Variants in LDLRAD2 observed in about 807,000 individuals in gnomAD.
LDLRAD2 encodes low density lipoprotein receptor class A domain containing 2.
Under a neutral mutation model 24.9 loss-of-function variants are expected in LDLRAD2, and 25 were observed. The observed-to-expected ratio is 1.00, with a 90% CI of 0.73 to 1.40. The LOEUF is 1.40. LDLRAD2 is among the 40% of genes most tolerant of loss of function. LDLRAD2 has a pLI of 0.00. For synonymous variants in LDLRAD2, 182 were observed against 166.7 expected (o/e 1.09, Z -0.71); for missense variants, 391 against 366.2 (o/e 1.07, Z -0.55).
At position 21,823,124 on chromosome 1, in the gene LDLRAD2, C is replaced by T; in HGVS notation, c.*909C>T. 1.9e-6 allele frequency: 1 copy of T among 536,806 alleles called. No homozygotes were observed. The allele number at this position is 536,806 out of a possible 1,614,324, so 33.3% of individuals were successfully genotyped here. A position where few individuals can be genotyped will look rare whatever the true frequency, so the allele number is the denominator to read the frequency against. On this transcript the variant is annotated 3_prime_UTR_variant, in exon 5 of 5. Transcript: ENST00000344642. ...ACTCCCATCCAACCTGCCTTGCTGG[C>T]CAGCCTTGTGGCTTTGCCCAGCTGT... is the stretch of plus-strand genomic sequence containing the variant.
In LDLRAD2 at chr1:21,821,548, A is replaced by G; in HGVS notation, c.742A>G (p.Ile248Val). The change falls in exon 4 of 5, where the codon ATT becomes GTT. Residue 248 changes from isoleucine to valine, a missense_variant. Transcript: ENST00000344642. ...PALGSAGSLW[I>V]AAERSSPAGR... ...TCTCGGGTCTGCAGGATCCCTCTGG[A>G]TTGCAGCTGAGAGGAGTTCCCCAGC... 9 of 1,614,040 alleles carry G rather than the reference A, an allele frequency of 5.6e-6. No individual in the cohort carries two copies. The highest frequency in any genetic ancestry group is 1.1e-5 in the South Asian group (1 of 91,072).
rs1024032389 is a variant in LDLRAD2, at chr1:21,814,670, C to T, written c.358C>T (p.Pro120Ser). The change falls in exon 2 of 5, where the codon CCG becomes TCG. Residue 120 changes from proline to serine, a missense_variant. Physicochemically the swap from Pro to Ser is moderately conservative, Grantham distance 74. Coordinates refer to ENST00000344642, the MANE Select transcript of LDLRAD2 (RefSeq NM_001013693.3). ...CTACCTGCAGTTCTACGAGGGCCCG[C>T]CGGGGGCGCCCCGGCCCCTGGGGTC... ...GSYLQFYEGPPGAPRPLGSPL... is the reference protein window; with the variant it reads ...GSYLQFYEGPSGAPRPLGSPL... 4 of 1,582,514 alleles carry T rather than the reference C, an allele frequency of 2.5e-6. No homozygotes were observed. Among genetic ancestry groups the T allele is most frequent in the Non-Finnish European group, 3.4e-6 (4 of 1,165,460 alleles).
rs2097964494 is a variant in LDLRAD2, at chr1:21,824,724, A to G, written c.*2509A>G. 6.2e-7 allele frequency: 1 copy of G among 1,613,760 alleles called. No homozygotes were observed. The highest frequency in any genetic ancestry group is 8.5e-7 in the Non-Finnish European group (1 of 1,179,876). On this transcript the variant is annotated 3_prime_UTR_variant, in exon 5 of 5. Transcript: ENST00000344642. The surrounding 1 kb of genome is among the most constrained non-coding windows in gnomAD (Gnocchi z 5.9). ...CTCACCTCCTGGAGAAGACATGGCC[A>G]GGGAAGGCGAGGAAGCCATCATCGT...
Position 21,824,620 on chromosome 1 carries a change from G to A in LDLRAD2, c.*2405G>A, listed in dbSNP as rs752342864. The A allele has an allele frequency of 1.2e-5, 19 of 1,613,910 alleles. No individual in the cohort carries two copies. The highest frequency in any genetic ancestry group is 7.7e-5 in the South Asian group (7 of 91,082). ...GTCTCGGGCACCTCGGGCAGGCTGCGGAGGAAGAGCGGGTGAGGGGACAGA... is the reference window on the plus strand; with the variant it reads ...GTCTCGGGCACCTCGGGCAGGCTGCAGAGGAAGAGCGGGTGAGGGGACAGA... On this transcript the variant is annotated 3_prime_UTR_variant, in exon 5 of 5. Transcript: ENST00000344642. This position sits in a 1 kb window ranked among gnomAD's most constrained non-coding sequence, Gnocchi z 5.9.
rs2097956195 is a variant in LDLRAD2 at position 21,823,120 on chromosome 1, CTGGCCAGCCTTGT to C, written c.*906_*918del. On this transcript the variant is annotated 3_prime_UTR_variant, in exon 5 of 5. Coordinates refer to ENST00000344642, the MANE Select transcript of LDLRAD2 (RefSeq NM_001013693.3). ...GCCCACTCCCATCCAACCTGCCTTG[CTGGCCAGCCTTGT>C]GGCTTTGCCCAGCTGTGTGTGTGAG... 1.7e-5 allele frequency: 9 copies of C among 522,564 alleles called. No individual in the cohort carries two copies. In the South Asian group the frequency reaches 3.5e-4, roughly 20 times the overall value. 32.4% of individuals were successfully genotyped at this position (522,564 alleles called of 1,614,324 possible). A position where few individuals can be genotyped will look rare whatever the true frequency, so the allele number is the denominator to read the frequency against.
chr1:21,823,494 G>C lies in LDLRAD2; in HGVS notation c.*1279G>C. ...GGCCACGTCAGGGGCTCCGCCTGCC[G>C]GGAGGTGAGAGGACAGGGCCTGTGG... On this transcript the variant is annotated 3_prime_UTR_variant, in exon 5 of 5. Transcript: ENST00000344642. 6.2e-7 allele frequency: 1 copy of C among 1,604,804 alleles called. No individual in the cohort carries two copies. Among genetic ancestry groups the C allele is most frequent in the Non-Finnish European group, 8.5e-7 (1 of 1,178,754 alleles).
At chr1:21,815,161 G>A (rs2097942605) in intron 2 of LDLRAD2, among the ~76,000 whole-genome samples, 1 of 151,968 alleles carries the variant, frequency 6.6e-6, no homozygotes, top group African/African-American at 2.4e-5. Flanking sequence ...ACTCCCACAC[G>A]TTCACACCTC....
chr1:21,821,978 AC>A, intron 4 of LDLRAD2: 1 of 1,425,956 alleles, frequency 7.0e-7, no homozygotes, highest in African/African-American at 1.4e-5. Context: ...GGCTTCGGGC[AC>A]ATGGGAATGA....
chr1:21,821,946 T>C (rs1035910459), intron 4 of LDLRAD2: 1 of 1,421,152 alleles, frequency 7.0e-7, no homozygotes. Flanking sequence ...CCTTATAGGA[T>C]CAGGGAGGCC....
chr1:21,823,290 G>A lies in LDLRAD2; in HGVS notation c.*1075G>A. On this transcript the variant is annotated 3_prime_UTR_variant, in exon 5 of 5. Coordinates refer to ENST00000344642, the MANE Select transcript of LDLRAD2 (RefSeq NM_001013693.3). ...CATTGTCGGGCTGGGGCGTGGCCCGGGAGTCCGTGTGGGGCAGGCAGGTGC... is the reference window on the plus strand; with the variant it reads ...CATTGTCGGGCTGGGGCGTGGCCCGAGAGTCCGTGTGGGGCAGGCAGGTGC... The A allele has an allele frequency of 1.3e-6, 2 of 1,493,212 alleles. No individual in the cohort carries two copies. The highest frequency in any genetic ancestry group is 1.8e-6 in the Non-Finnish European group (2 of 1,122,268). The allele number at this position is 1,493,212 out of a possible 1,614,324, so 92.5% of individuals were successfully genotyped here. A position where few individuals can be genotyped will look rare whatever the true frequency, so the allele number is the denominator to read the frequency against.
Position 21,815,014 on chromosome 1 carries a change from C to A in LDLRAD2, c.511+191C>A, listed in dbSNP as rs984058365. 7.9e-5 allele frequency among the ~76,000 whole-genome samples: 12 copies of A among 152,122 alleles called. 1 individual carries two copies. Among genetic ancestry groups the A allele is most frequent in the Admixed American group, 5.9e-4 (9 of 15,272 alleles). On this transcript the variant is annotated intron_variant, in intron 2 of 4. Transcript: ENST00000344642. ...CTAGTGGCAGAGTCACAATAAGGGA[C>A]CTCCCGGATCCTAAGAGCCAACCAT...
chr1:21,823,980 G>A lies in LDLRAD2; in HGVS notation c.*1765G>A. ...AGTCCGAGATGGAAGCCCGAGCCCT[G>A]GCTGGTGGGTTCTCCCCTCCCCTGG... is the stretch of plus-strand genomic sequence containing the variant. On this transcript the variant is annotated 3_prime_UTR_variant, in exon 5 of 5. Coordinates refer to ENST00000344642, the MANE Select transcript of LDLRAD2 (RefSeq NM_001013693.3). 1 of 905,972 alleles carries A rather than the reference G, an allele frequency of 1.1e-6. No individual in the cohort carries two copies. The highest frequency in any genetic ancestry group is 2.0e-5 in the Admixed American group (1 of 49,544). The allele number at this position is 905,972 out of a possible 1,614,324, so 56.1% of individuals were successfully genotyped here. A position where few individuals can be genotyped will look rare whatever the true frequency, so the allele number is the denominator to read the frequency against.
rs372606105 is a variant in LDLRAD2 at position 21,823,540 on chromosome 1, G to A, written c.*1325G>A. On this transcript the variant is annotated 3_prime_UTR_variant, in exon 5 of 5. Coordinates refer to ENST00000344642, the MANE Select transcript of LDLRAD2 (RefSeq NM_001013693.3). ...TGTGGGCTCCAGCAGCCCAGGAGGC[G>A]AGGAAGGCTGGGCGAGCTCTAGCCC... 6 of 1,609,130 alleles carry A rather than the reference G, an allele frequency of 3.7e-6. No homozygotes were observed. Among genetic ancestry groups the A allele is most frequent in the African/African-American group, 2.7e-5 (2 of 74,878 alleles).
In LDLRAD2 at chr1:21,824,478, C is replaced by T; in HGVS notation, c.*2263C>T. 6.2e-7 allele frequency: 1 copy of T among 1,606,546 alleles called. No individual in the cohort carries two copies. The highest frequency in any genetic ancestry group is 8.5e-7 in the Non-Finnish European group (1 of 1,175,394). On this transcript the variant is annotated 3_prime_UTR_variant, in exon 5 of 5. Coordinates refer to ENST00000344642, the MANE Select transcript of LDLRAD2 (RefSeq NM_001013693.3). The surrounding 1 kb of genome is among the most constrained non-coding windows in gnomAD (Gnocchi z 5.9). Reference sequence around the variant, plus strand: ...CCCCTCCCCCCACCACTCCGGCCACCAGGAAGCCAGCTTCCTGCCCCAGGA... The same window carrying T: ...CCCCTCCCCCCACCACTCCGGCCACTAGGAAGCCAGCTTCCTGCCCCAGGA...
In LDLRAD2 at chr1:21,824,470, C is replaced by G; in HGVS notation, c.*2255C>G. 1.9e-6 allele frequency: 3 copies of G among 1,605,030 alleles called. No individual in the cohort carries two copies. Among genetic ancestry groups the G allele is most frequent in the Non-Finnish European group, 2.6e-6 (3 of 1,174,148 alleles). On this transcript the variant is annotated 3_prime_UTR_variant, in exon 5 of 5. Coordinates refer to ENST00000344642, the MANE Select transcript of LDLRAD2 (RefSeq NM_001013693.3). The surrounding 1 kb of genome is among the most constrained non-coding windows in gnomAD (Gnocchi z 5.9). The stretch of plus-strand genomic sequence containing the variant: ...TCTGCTTTCCCCTCCCCCCACCACT[C>G]CGGCCACCAGGAAGCCAGCTTCCTG...
In LDLRAD2 at chr1:21,823,403, C is replaced by G; in HGVS notation, c.*1188C>G. 3.2e-6 allele frequency: 5 copies of G among 1,572,708 alleles called. No homozygotes were observed. Among genetic ancestry groups the G allele is most frequent in the Non-Finnish European group, 4.3e-6 (5 of 1,164,062 alleles). On this transcript the variant is annotated 3_prime_UTR_variant, in exon 5 of 5. Transcript: ENST00000344642. ...GTGGGGGCGGGGCGCCGGGTCGGGC[C>G]GAGTGCAGCACCAGGTTCTTGACAC...
rs568880162 is a variant in LDLRAD2 at position 21,814,574 on chromosome 1, A to G, written c.262A>G (p.Ser88Gly). The change falls in exon 2 of 5, where the codon AGC becomes GGC. Residue 88 changes from serine (S) to glycine (G), a missense_variant. Physicochemically the swap from Ser to Gly is moderately conservative, Grantham distance 56. Coordinates refer to ENST00000344642, the MANE Select transcript of LDLRAD2 (RefSeq NM_001013693.3). ...RFQFRFFLVY[S>G]LTPAPPALNT... ...CCAGTTCCGCTTCTTCCTGGTCTAC[A>G]GCCTGACCCCCGCGCCCCCGGCGCT... 6.2e-7 allele frequency: 1 copy of G among 1,611,796 alleles called. No individual in the cohort carries two copies. Among genetic ancestry groups the G allele is most frequent in the South Asian group, 1.1e-5 (1 of 91,030 alleles).
In LDLRAD2 at chr1:21,824,083, G is replaced by A. The variant is rs377296507; in HGVS notation, c.*1868G>A. 4.4e-5 allele frequency: 69 copies of A among 1,575,500 alleles called. 1 individual carries two copies. The highest frequency in any genetic ancestry group is 3.9e-4 in the African/African-American group (29 of 74,436). On this transcript the variant is annotated 3_prime_UTR_variant, in exon 5 of 5. Transcript: ENST00000344642. The surrounding 1 kb of genome is among the most constrained non-coding windows in gnomAD (Gnocchi z 5.9). ...GGGGCGTCCTGCCCCACTCCAGAAC[G>A]CTGGGCCCCATCCCGAGTGCCCGGC...
chr1:21,824,431 C>A lies in LDLRAD2; in HGVS notation c.*2216C>A. On this transcript the variant is annotated 3_prime_UTR_variant, in exon 5 of 5. Transcript: ENST00000344642. The surrounding 1 kb of genome is among the most constrained non-coding windows in gnomAD (Gnocchi z 5.9). ...CCCCAGCCTGGAGAGCAGAGGCTGC[C>A]GAGGCCAGGGGGCTCTGCTTTCCCC... is the stretch of plus-strand genomic sequence containing the variant. The A allele has an allele frequency of 3.7e-6, 6 of 1,603,946 alleles. No homozygotes were observed. The highest frequency in any genetic ancestry group is 5.1e-6 in the Non-Finnish European group (6 of 1,172,014).
Sources: allele counts gnomAD v4.1 joint callset (sites outside exome capture counted in the v4.1 genomes callset), GRCh38; gene constraint gnomAD v4.1.1; non-coding constraint Gnocchi (gnomAD v3.1); transcripts MANE v1.5; gene names NCBI Gene and HGNC (gene_info 2026-07-23, HGNC 2026-07-21).